Variants in RGS6 observed in about 807,000 individuals in gnomAD.
RGS6 encodes regulator of G protein signaling 6, also known as regulator of G-protein signaling 6.
In RGS6, 30 loss-of-function variants were observed where a neutral mutation model predicts 78.5. The observed-to-expected ratio is 0.38, with a 90% CI of 0.29 to 0.52. The LOEUF is 0.52. Among genes scored for constraint, RGS6 ranks in the 20% least tolerant of loss-of-function variants. RGS6 has a pLI of 0.85. For missense variants in RGS6, 495 were observed against 609.7 expected, an observed-to-expected ratio of 0.81 and a Z score of 1.98; for synonymous variants, 206 against 206.0, an observed-to-expected ratio of 1.00 and a Z score of 0.00.
chr14:71,940,286 A>G (rs1022553181), intron 1 of RGS6, among the ~76,000 whole-genome samples: 1 of 152,176 alleles, frequency 6.6e-6, no homozygotes, highest in African/African-American at 2.4e-5. Flanking sequence ...AGAAAGATCT[A>G]CTGCATAAAT....
chr14:72,342,024 A>G (rs2077106426), intron 2 of RGS6, among the ~76,000 whole-genome samples: 1 of 152,148 alleles, frequency 6.6e-6, no homozygotes, highest in South Asian at 2.1e-4. Context: ...GAGAAAAATG[A>G]TATATATGTT....
intron 13 of RGS6, among the ~76,000 whole-genome samples, chr14:72,506,394 T>C (rs2096799528): frequency 6.6e-6 from 1 of 152,242 alleles, no homozygotes; most frequent in South Asian, 2.1e-4. Context: ...GGGACAGTTA[T>C]TGTACCACTT....
chr14:72,299,969 TTTTG>T (rs1215917987), intron 2 of RGS6, among the ~76,000 whole-genome samples: 6 of 152,192 alleles, frequency 3.9e-5, no homozygotes, highest in African/African-American at 1.4e-4. Context: ...CATTTTTCTC[TTTTG>T]TTTGTTAATT....
At chr14:72,274,205 G>A (rs1180215766) in intron 2 of RGS6, among the ~76,000 whole-genome samples, 1 of 152,168 alleles carries the variant, frequency 6.6e-6, no homozygotes, top group Non-Finnish European at 1.5e-5. Context: ...GATAGGAGAG[G>A]TTCTGGCACT....
intron 13 of RGS6, among the ~76,000 whole-genome samples, chr14:72,499,192 C>T (rs1264152976): frequency 2.6e-5 from 4 of 152,206 alleles, no homozygotes; most frequent in Non-Finnish European, 5.9e-5. Context: ...TCTGCGAAAG[C>T]CAATGAGAGG....
At chr14:72,494,110 A>G (rs965563543) in intron 12 of RGS6, among the ~76,000 whole-genome samples, 1 of 152,252 alleles carries the variant, frequency 6.6e-6, no homozygotes, top group Admixed American at 6.5e-5. Flanking sequence ...TCTGGGAAAC[A>G]AGAGGACAGA....
intron 2 of RGS6, among the ~76,000 whole-genome samples, chr14:72,068,641 C>T (rs749762306): frequency 4.6e-5 from 7 of 151,410 alleles, no homozygotes; most frequent in South Asian, 2.1e-4. Context: ...GGATTACAGG[C>T]GCCTGCCACC....
intron 2 of RGS6, among the ~76,000 whole-genome samples, chr14:71,972,936 A>G (rs1002998401): frequency 6.6e-6 from 1 of 152,152 alleles, no homozygotes; most frequent in Non-Finnish European, 1.5e-5. Flanking sequence ...TTTGAAGCAA[A>G]TAGCTGTAGA....
In RGS6 at chr14:72,025,021, GA is replaced by G. The variant is rs1193344783; in HGVS notation, c.84+60147del. Among the ~76,000 whole-genome samples the G allele has an allele frequency of 3.3e-5, 5 of 152,308 alleles. No individual in the cohort carries two copies. The East Asian group carries it at 9.7e-4, about 29-fold the overall frequency. ...CCTAATTAAGGGTACTAGAGATTCTGATTGGCAAGAGCTAGGGACAGAGAGG... is the reference window on the plus strand; with the variant it reads ...CCTAATTAAGGGTACTAGAGATTCTGTTGGCAAGAGCTAGGGACAGAGAGG... On this transcript the variant is annotated intron_variant, in intron 2 of 17. Transcript: ENST00000553525.
chr14:72,174,729 G>T (rs1488524977), intron 2 of RGS6, among the ~76,000 whole-genome samples: 2 of 152,128 alleles, frequency 1.3e-5, no homozygotes, highest in Admixed American at 1.3e-4. Context: ...GGGACTTGGT[G>T]CAGGGATATG....
chr14:72,226,528 T>C (rs1389298114), intron 2 of RGS6, among the ~76,000 whole-genome samples: 1 of 152,220 alleles, frequency 6.6e-6, no homozygotes, highest in African/African-American at 2.4e-5. Context: ...GCCAATTTTA[T>C]ATCATGCATA....
At chr14:72,125,226 T>C (rs2096159077) in intron 2 of RGS6, among the ~76,000 whole-genome samples, 2 of 152,166 alleles carry the variant, frequency 1.3e-5, no homozygotes. Flanking sequence ...TAGGAGATTT[T>C]ACCACCTATC....
intron 2 of RGS6, among the ~76,000 whole-genome samples, chr14:72,057,771 C>T (rs1397913527): frequency 6.6e-6 from 1 of 152,156 alleles, no homozygotes; most frequent in Non-Finnish European, 1.5e-5. Context: ...ACAAAGTCAG[C>T]AGCTCAAGAG....
At chr14:72,405,480 G>A (rs923439146) in intron 3 of RGS6, among the ~76,000 whole-genome samples, 1 of 152,218 alleles carries the variant, frequency 6.6e-6, no homozygotes, top group East Asian at 1.9e-4. Flanking sequence ...GATTCAGACT[G>A]TAGCTCCACC....
intron 2 of RGS6, among the ~76,000 whole-genome samples, chr14:72,153,825 C>G (rs190470226): frequency 1.2e-4 from 18 of 152,208 alleles, no homozygotes; most frequent in Admixed American, 2.0e-4. Context: ...AGGCAGAACT[C>G]CTGATAAGGG....
At chr14:72,238,255 G>T (rs2051704322) in intron 2 of RGS6, among the ~76,000 whole-genome samples, 1 of 152,174 alleles carries the variant, frequency 6.6e-6, no homozygotes, top group South Asian at 2.1e-4. Flanking sequence ...TAAGGTCTGA[G>T]GTTTATGTGG....
the RGS6 span, among the ~76,000 whole-genome samples, chr14:71,899,035 G>A: frequency 2.0e-5 from 3 of 152,152 alleles, no homozygotes; most frequent in African/African-American, 7.2e-5. Context: ...AGTGATGCTG[G>A]TGTGGGAAAA....
At chr14:72,022,289 T>C (rs1956676677) in intron 2 of RGS6, 1 of 152,248 alleles carries the variant, frequency 6.6e-6, no homozygotes, top group Admixed American at 6.5e-5. Flanking sequence ...TCTGGCTGTA[T>C]ACCCAGCAGT....
intron 3 of RGS6, among the ~76,000 whole-genome samples, chr14:72,365,273 G>A (rs542040650): frequency 6.6e-6 from 1 of 152,308 alleles, no homozygotes; most frequent in East Asian, 1.9e-4. Context: ...ATGTGAATTT[G>A]GAAAAATAAT....
Sources: gnomAD v4.1 joint callset for allele counts (sites outside exome capture counted in the v4.1 genomes callset) on GRCh38, gnomAD v4.1.1 for gene constraint, MANE v1.5 for transcripts, NCBI Gene and HGNC (gene_info 2026-07-23, HGNC 2026-07-21) for gene names.